Variants in BTRC observed in about 807,000 individuals in gnomAD.
BTRC encodes the protein beta-transducin repeat containing E3 ubiquitin protein ligase, also known as F-box/WD repeat-containing protein 1A.
A neutral mutation model predicts 85.5 loss-of-function variants in BTRC; 42 were observed. That is an observed-to-expected ratio of 0.49 (90% CI 0.38 to 0.64). The LOEUF (loss-of-function observed/expected upper bound fraction) is 0.64. Among genes scored for constraint, BTRC ranks in the 30% least tolerant of loss-of-function variants. BTRC has a pLI of 0.00. For missense variants in BTRC, 594 were observed against 743.5 expected, an observed-to-expected ratio of 0.80 and a Z score of 2.34; for synonymous variants, 255 against 263.3, an observed-to-expected ratio of 0.97 and a Z score of 0.30.
At chr10:101,416,682 T>TA (rs1432347930) in intron 1 of BTRC, among the ~76,000 whole-genome samples, 1 of 152,168 alleles carries the variant, frequency 6.6e-6, no homozygotes. Flanking sequence ...TTCAGCATCT[T>TA]ACTCTCTGCG....
chr10:101,519,535 T>C (rs1220166506), intron 4 of BTRC, among the ~76,000 whole-genome samples: 2 of 152,210 alleles, frequency 1.3e-5, no homozygotes, highest in Admixed American at 6.5e-5. Flanking sequence ...CTGTAACCCG[T>C]TGAAGCAAAC....
At chr10:101,537,328 G>T (rs2062401262) in intron 12 of BTRC, among the ~76,000 whole-genome samples, 1 of 152,172 alleles carries the variant, frequency 6.6e-6, no homozygotes, top group Admixed American at 6.5e-5. Context: ...AGTAGTTCGA[G>T]ACCAGCCTGG....
At chr10:101,475,955 T>TATATATATATA (rs1564795715) in intron 3 of BTRC, among the ~76,000 whole-genome samples, 10 of 24,248 alleles carry the variant, frequency 4.1e-4, no homozygotes, top group Middle Eastern at 0.042. Flanking sequence ...ATATATATAT[T>TATATATATATA]CAGTAATTCC....
chr10:101,430,527 T>C, intron 2 of BTRC, 75 bp downstream of exon 2: 1 of 1,116,562 alleles, frequency 9.0e-7, no homozygotes, highest in Non-Finnish European at 1.3e-6. Flanking sequence ...TGCCTCCTCC[T>C]TTCCCATACT....
chr10:101,477,958 CTA>C (rs1945733280), intron 3 of BTRC, among the ~76,000 whole-genome samples: 1 of 152,006 alleles, frequency 6.6e-6, no homozygotes, highest in South Asian at 2.1e-4. Context: ...CCTGATTTTT[CTA>C]TTTTATCTCT....
intron 3 of BTRC, among the ~76,000 whole-genome samples, chr10:101,463,172 C>T (rs767601634): frequency 3.9e-5 from 6 of 151,962 alleles, no homozygotes; most frequent in Non-Finnish European, 7.4e-5. Context: ...CAGCCTCCTG[C>T]GTAACTGGGA....
intron 13 of BTRC, among the ~76,000 whole-genome samples, chr10:101,545,604 T>G (rs1376605124): frequency 6.6e-6 from 1 of 152,016 alleles, no homozygotes; most frequent in African/African-American, 2.4e-5. Flanking sequence ...AGAGACCATG[T>G]GAAGATAAAG....
chr10:101,445,785 ACT>A (rs773432466), intron 2 of BTRC, among the ~76,000 whole-genome samples: 5 of 152,048 alleles, frequency 3.3e-5, no homozygotes, highest in Non-Finnish European at 5.9e-5. Flanking sequence ...GAGGCCTTGG[ACT>A]CTCTTAATTT....
chr10:101,380,695 A>C (rs1942906623), intron 1 of BTRC, among the ~76,000 whole-genome samples: 1 of 152,192 alleles, frequency 6.6e-6, no homozygotes, highest in African/African-American at 2.4e-5. Context: ...TAAGTGATTG[A>C]AACCACTATT....
chr10:101,499,908 A>G (rs1215237675), intron 4 of BTRC, among the ~76,000 whole-genome samples: 4 of 151,956 alleles, frequency 2.6e-5, no homozygotes, highest in African/African-American at 9.7e-5. Context: ...TCTTGAGGGC[A>G]CTTGATGGAC....
At chr10:101,437,268 A>G (rs1944556440) in intron 2 of BTRC, among the ~76,000 whole-genome samples, 1 of 152,204 alleles carries the variant, frequency 6.6e-6, no homozygotes, top group South Asian at 2.1e-4. Flanking sequence ...AAAATGAATT[A>G]TTGTTTATTA....
intron 3 of BTRC, 59 bp from the exon 4 acceptor site, chr10:101,479,309 C>T: frequency 8.0e-7 from 1 of 1,254,604 alleles, no homozygotes; most frequent in South Asian, 1.3e-5. Flanking sequence ...AATTTGAAAA[C>T]AGGATATGGC....
At chr10:101,481,195 A>G (rs1945824652) in intron 4 of BTRC, among the ~76,000 whole-genome samples, 1 of 152,170 alleles carries the variant, frequency 6.6e-6, no homozygotes, top group African/African-American at 2.4e-5. Flanking sequence ...CCTCCCCACT[A>G]GGCCTGCCAA....
chr10:101,387,528 C>CTTTTTTTTATTTTTTTTTTTTTTTTTT (rs1943111551), intron 1 of BTRC, among the ~76,000 whole-genome samples: 1 of 45,122 alleles, frequency 2.2e-5, no homozygotes, highest in African/African-American at 1.5e-4. Context: ...CTTCATGGGA[C>CTTTTTTTTATTTTTTTTTTTTTTTTTT]TTTTTTTTTT....
rs983450995 is a variant in BTRC at position 101,417,701 on chromosome 10, T to C, written c.49-12644T>C. ...TGTTTCATTTTATTTTATTTCATTT[T>C]AGAGATAGGGTCTTGTTCTTTCACT... is the stretch of plus-strand genomic sequence containing the variant. On this transcript the variant is annotated intron_variant, in intron 1 of 14. Coordinates refer to ENST00000370187, the MANE Select transcript of BTRC (RefSeq NM_033637.4). Among the ~76,000 whole-genome samples, 3 of 152,230 alleles carry C rather than the reference T, an allele frequency of 2.0e-5. No homozygotes were observed. In the South Asian group the frequency reaches 6.2e-4, roughly 32 times the overall value.
At chr10:101,368,183 G>GA (rs1468272930) in intron 1 of BTRC, among the ~76,000 whole-genome samples, 1 of 152,200 alleles carries the variant, frequency 6.6e-6, no homozygotes, top group Non-Finnish European at 1.5e-5. Context: ...GTTCCTGCCA[G>GA]AGTTGGTAGT....
chr10:101,495,417 A>G (rs762721846), intron 4 of BTRC, among the ~76,000 whole-genome samples: 1 of 152,250 alleles, frequency 6.6e-6, no homozygotes, highest in African/African-American at 2.4e-5. Context: ...CATAGCAACA[A>G]TTAAAGCAAA....
chr10:101,406,572 T>TCACC (rs1943630835), intron 1 of BTRC, among the ~76,000 whole-genome samples: 1 of 140,814 alleles, frequency 7.1e-6, no homozygotes, highest in Non-Finnish European at 1.5e-5. Context: ...TCTCACTCTT[T>TCACC]CACCCAGGCT....
intron 4 of BTRC, among the ~76,000 whole-genome samples, chr10:101,487,074 A>G (rs1946008945): frequency 2.0e-5 from 3 of 152,220 alleles, no homozygotes; most frequent in Admixed American, 6.5e-5. Flanking sequence ...TTTGATTCCT[A>G]AGTAATAAAA....
Sources: allele counts gnomAD v4.1 joint callset (sites outside exome capture counted in the v4.1 genomes callset), GRCh38; gene constraint gnomAD v4.1.1; transcripts MANE v1.5; gene names NCBI Gene and HGNC (gene_info 2026-07-23, HGNC 2026-07-21).